CLCC1: variants seen among roughly 807,000 people sequenced by gnomAD.
The protein encoded by CLCC1 is chloride channel CLIC-like protein 1.
Under a neutral mutation model 63.3 loss-of-function variants are expected in CLCC1, and 39 were observed. That is an observed-to-expected ratio of 0.62 (90% CI 0.48 to 0.81). CLCC1 has a LOEUF of 0.81. Ranked by LOEUF, CLCC1 falls within the 30% of genes least tolerant of loss-of-function variation. The probability of loss-of-function intolerance (pLI) is 0.00; values close to 1 mark genes in which losing one functional copy is unlikely to be tolerated. For missense variants in CLCC1, 549 were observed against 669.4 expected, an observed-to-expected ratio of 0.82 and a Z score of 1.98; for synonymous variants, 217 against 239.8, an observed-to-expected ratio of 0.90 and a Z score of 0.88.
chr1:108,940,028 C>G lies in CLCC1; in HGVS notation c.894+17G>C, dbSNP rs1653631817. The G allele has an allele frequency of 1.3e-6, 2 of 1,560,736 alleles. No homozygotes were observed. Among genetic ancestry groups the G allele is most frequent in the African/African-American group, 2.7e-5 (2 of 73,010 alleles). The stretch of plus-strand genomic sequence containing the variant: ...TCTGACTGACTTTAAGTAATTTTTA[C>G]AAAATATATGCTATACCTTTGTTGG... On this transcript the variant is annotated intron_variant, in intron 9 of 12. Coordinates refer to ENST00000369969, the MANE Select transcript of CLCC1 (RefSeq NM_001377458.1).
chr1:108,949,928 C>CA lies in CLCC1; in HGVS notation c.130-8dup. ...CTGAAATACCATATTTTGCCTAAAA[C>CA]AGAGTATAGAAACATTTTATTTCTT... On this transcript the variant is annotated splice_polypyrimidine_tract_variant and splice_region_variant and intron_variant, in intron 3 of 12. Coordinates refer to ENST00000369969, the MANE Select transcript of CLCC1 (RefSeq NM_001377458.1). 1.3e-6 allele frequency: 2 copies of CA among 1,524,502 alleles called. No individual in the cohort carries two copies. Among genetic ancestry groups the CA allele is most frequent in the Non-Finnish European group, 1.8e-6 (2 of 1,112,084 alleles). 94.4% of individuals were successfully genotyped at this position (1,524,502 alleles called of 1,614,324 possible). A position where few individuals can be genotyped will look rare whatever the true frequency, so the allele number is the denominator to read the frequency against.
intron 5 of CLCC1, among the ~76,000 whole-genome samples, chr1:108,944,833 A>G (rs1039779499): frequency 1.3e-5 from 2 of 152,134 alleles, no homozygotes; most frequent in African/African-American, 4.8e-5. Flanking sequence ...GTTTCACCGC[A>G]TTAGCCAGGA....
intron 5 of CLCC1, among the ~76,000 whole-genome samples, chr1:108,944,481 A>AG (rs1328052296): frequency 1.3e-5 from 2 of 151,994 alleles, no homozygotes; most frequent in African/African-American, 4.8e-5. Context: ...AAAAAAAAAA[A>AG]TAATAATAAT....
At chr1:108,949,714 T>C in intron 4 of CLCC1, 106 bp downstream of exon 4, 2 of 582,090 alleles carry the variant, frequency 3.4e-6, no homozygotes, top group Non-Finnish European at 5.6e-6. Flanking sequence ...ATAAAAATCA[T>C]ACGGTACACG....
intron 3 of CLCC1, 103 bp downstream of exon 3, chr1:108,950,206 T>C (rs1466430354): frequency 3.5e-6 from 4 of 1,147,758 alleles, no homozygotes; most frequent in African/African-American, 3.2e-5. Flanking sequence ...TTGCTAATCA[T>C]GGATCCATGA....
In CLCC1 at chr1:108,938,416, C is replaced by G. The variant is rs114630728; in HGVS notation, c.1042-998G>C. Among the ~76,000 whole-genome samples, 449 of 152,206 alleles carry G rather than the reference C, an allele frequency of 2.9e-3. 2 individuals are homozygous for G. The highest frequency in any genetic ancestry group is 0.01 in the African/African-American group (431 of 41,530). ...ACTAATGTCACCTAACAAAAAAATA[C>G]CCGTCAACCACATAATCCTGTAATC... On this transcript the variant is annotated intron_variant, in intron 10 of 12. Coordinates refer to ENST00000369969, the MANE Select transcript of CLCC1 (RefSeq NM_001377458.1).
intron 4 of CLCC1, among the ~76,000 whole-genome samples, chr1:108,949,583 ATACT>A (rs1412890196): frequency 1.1e-4 from 17 of 152,200 alleles, no homozygotes; most frequent in African/African-American, 3.9e-4. Context: ...TGGTAAAGAA[ATACT>A]TACAACACAG....
intron 4 of CLCC1, 139 bp from the exon 5 acceptor site, chr1:108,947,857 C>T (rs955625463): frequency 2.3e-5 from 14 of 605,358 alleles, no homozygotes; most frequent in Non-Finnish European, 3.8e-5. Flanking sequence ...AGCTATAATA[C>T]ATTACAGTGC....
At chr1:108,954,896 G>A (rs191377211) in intron 2 of CLCC1, among the ~76,000 whole-genome samples, 7 of 149,630 alleles carry the variant, frequency 4.7e-5, no homozygotes, top group South Asian at 4.2e-4. Context: ...GCAATGGCAC[G>A]ATCTTGGCTC....
chr1:108,936,179 G>A (rs948367783), intron 11 of CLCC1, among the ~76,000 whole-genome samples: 10 of 124,626 alleles, frequency 8.0e-5, no homozygotes, highest in South Asian at 2.8e-4. Flanking sequence ...TGCAACCTCC[G>A]CCCCCTGGAA....
chr1:108,938,518 G>T (rs1041906318), intron 10 of CLCC1, among the ~76,000 whole-genome samples: 1 of 152,230 alleles, frequency 6.6e-6, no homozygotes, highest in African/African-American at 2.4e-5. Context: ...CCTTAGGGAA[G>T]AGAATTTCCC....
rs376897666 is a variant in CLCC1, at chr1:108,937,102, C to T, written c.1358G>A (p.Arg453Gln). 1.1e-5 allele frequency: 17 copies of T among 1,516,726 alleles called. No homozygotes were observed. In the East Asian group the frequency reaches 1.1e-4, roughly 10 times the overall value. The allele number at this position is 1,516,726 out of a possible 1,614,324, so 94.0% of individuals were successfully genotyped here. ...RAFDVPDAEA[R>Q]EHPTVVPSHK... Reference sequence around the variant, plus strand: ...ACTGGGTACCACCGTGGGATGCTCTCGTGCCTCTGCGTCTGGTACATCAAA... The same window carrying T: ...ACTGGGTACCACCGTGGGATGCTCTTGTGCCTCTGCGTCTGGTACATCAAA... Residue 453 changes from arginine to glutamine, a missense_variant, in exon 11 of 13, where the codon CGA becomes CAA. Transcript: ENST00000369969.
At chr1:108,943,790 A>T in intron 6 of CLCC1, 46 bp downstream of exon 6, 14 of 1,513,842 alleles carry the variant, frequency 9.2e-6, no homozygotes, top group Non-Finnish European at 1.3e-5. Flanking sequence ...AAAGTATTTT[A>T]AAAAGGAAAC....
chr1:108,960,928 T>C (rs1656546655), intron 2 of CLCC1, among the ~76,000 whole-genome samples: 2 of 151,848 alleles, frequency 1.3e-5, no homozygotes, highest in Non-Finnish European at 1.5e-5. Flanking sequence ...GCTCAAAGGA[T>C]CCCCCTGCCC....
intron 12 of CLCC1, chr1:108,933,723 C>G (rs1652387417): frequency 6.6e-6 from 1 of 152,182 alleles, no homozygotes; most frequent in African/African-American, 2.4e-5. Context: ...ATGAGGAATG[C>G]TTTTGATAAT....
At chr1:108,933,437 C>T (rs1400466084) in intron 12 of CLCC1, 7 of 145,754 alleles carry the variant, frequency 4.8e-5, no homozygotes, top group Non-Finnish European at 9.0e-5. Flanking sequence ...GCCACTGCAC[C>T]TGGCCTAAAA....
At position 108,934,606 on chromosome 1, in the gene CLCC1, A is replaced by G. The variant is rs1359490178; in HGVS notation, c.*45+19T>C. 3 of 1,532,674 alleles carry G rather than the reference A, an allele frequency of 2.0e-6. No individual in the cohort carries two copies. Among genetic ancestry groups the G allele is most frequent in the African/African-American group, 2.8e-5 (2 of 72,622 alleles). The allele number at this position is 1,532,674 out of a possible 1,614,324, so 94.9% of individuals were successfully genotyped here. Reference sequence around the variant, plus strand: ...GAATTCTTGCAGAGAAGAGAAAGAGAGTGAAGAGTATACTTTACAAAGCTC... The same window carrying G: ...GAATTCTTGCAGAGAAGAGAAAGAGGGTGAAGAGTATACTTTACAAAGCTC... On this transcript the variant is annotated intron_variant, in intron 12 of 12. Coordinates refer to ENST00000369969, the MANE Select transcript of CLCC1 (RefSeq NM_001377458.1).
chr1:108,937,405 C>T lies in CLCC1; in HGVS notation c.1055G>A (p.Gly352Asp). 1 of 1,595,836 alleles carries T rather than the reference C, an allele frequency of 6.3e-7. No individual in the cohort carries two copies. Among genetic ancestry groups the T allele is most frequent in the Non-Finnish European group, 8.5e-7 (1 of 1,171,496 alleles). ...MALAILSFCY[G>D]AGKSVHVLRH... ...CAGCACATGAACTGATTTTCCAGCA[C>T]CATAGCAGAAACTCTGTAAGGAAAA... Residue 352 changes from glycine (G) to aspartate (D), a missense_variant, in exon 11 of 13, where the codon GGT becomes GAT. By Grantham distance (94) the Gly-to-Asp change is moderately conservative. Transcript: ENST00000369969.
Position 108,943,116 on chromosome 1 carries a change from G to A in CLCC1, c.702+359C>T, listed in dbSNP as rs139673010. Among the ~76,000 whole-genome samples, 135 of 152,184 alleles carry A rather than the reference G, an allele frequency of 8.9e-4. 1 individual carries two copies. Among genetic ancestry groups the A allele is most frequent in the African/African-American group, 2.4e-3 (101 of 41,516 alleles). On this transcript the variant is annotated intron_variant, in intron 7 of 12. Coordinates refer to ENST00000369969, the MANE Select transcript of CLCC1 (RefSeq NM_001377458.1). ...GTAGAGACAGGGTTTCACCATGTTG[G>A]CCAGGCTAGTCTTGACCTCCTGACC... is the stretch of plus-strand genomic sequence containing the variant.
Sources: allele counts gnomAD v4.1 joint callset (sites outside exome capture counted in the v4.1 genomes callset), GRCh38; gene constraint gnomAD v4.1.1; transcripts MANE v1.5; gene names NCBI Gene and HGNC (gene_info 2026-07-23, HGNC 2026-07-21).